Variants in ANO5 observed in about 807,000 individuals in gnomAD.
The protein encoded by ANO5 is anoctamin-5.
Under a neutral mutation model 121.0 loss-of-function variants are expected in ANO5, and 109 were observed. The observed-to-expected ratio is 0.90, with a 90% CI of 0.77 to 1.06. The LOEUF (loss-of-function observed/expected upper bound fraction) is 1.06, where lower values mean the gene tolerates loss of function less well. Among genes scored for constraint, ANO5 ranks in the 50% least tolerant of loss-of-function variants. The probability of loss-of-function intolerance (pLI) is 0.00; values close to 1 mark genes in which losing one functional copy is unlikely to be tolerated. For synonymous variants in ANO5, 406 were observed against 359.9 expected (o/e 1.13, Z -1.45); for missense variants, 1,064 against 1,078.5 (o/e 0.99, Z 0.19).
At position 22,239,602 on chromosome 11, in the gene ANO5, C is replaced by T; in HGVS notation, c.796C>T (p.Pro266Ser). 6.2e-7 allele frequency: 1 copy of T among 1,612,898 alleles called. No homozygotes were observed. The change falls in exon 9 of 22, where the codon CCT (proline) becomes TCT (serine). Residue 266 changes from proline (P) to serine (S), a missense_variant. By Grantham distance (74) the Pro-to-Ser change is moderately conservative. Transcript: ENST00000324559. Reference protein sequence around the residue: ...QYWKPSEPPNPTNERYTLHQN... With the variant: ...QYWKPSEPPNSTNERYTLHQN... ...TTGGAAGCCATCAGAACCTCCCAAT[C>T]CTACCAATGAAAGATACACACTTCA...
chr11:22,254,221 T>C (rs1853917749), intron 12 of ANO5, among the ~76,000 whole-genome samples: 1 of 152,138 alleles, frequency 6.6e-6, no homozygotes, highest in Non-Finnish European at 1.5e-5. Context: ...ATGACTGTAA[T>C]GATAAAAATA....
At chr11:22,216,467 A>G (rs1450332473) in intron 3 of ANO5, among the ~76,000 whole-genome samples, 1 of 151,802 alleles carries the variant, frequency 6.6e-6, no homozygotes, top group Non-Finnish European at 1.5e-5. Context: ...CCATCTTTTC[A>G]TGGGCATATT....
Position 22,193,272 on chromosome 11 carries a change from C to A in ANO5, c.-221C>A. On this transcript the variant is annotated 5_prime_UTR_variant, in exon 1 of 22. Coordinates refer to ENST00000324559, the MANE Select transcript of ANO5 (RefSeq NM_213599.3). ...GACCGGGTCGAGTGGAAGTACCCGC[C>A]GGAGAGGAAGGCCGGCTGGCTGTGG... 8.6e-7 allele frequency: 1 copy of A among 1,159,150 alleles called. No homozygotes were observed. Among genetic ancestry groups the A allele is most frequent in the South Asian group, 2.6e-5 (1 of 38,578 alleles). The allele number at this position is 1,159,150 out of a possible 1,614,324, so 71.8% of individuals were successfully genotyped here.
intron 2 of ANO5, among the ~76,000 whole-genome samples, chr11:22,207,618 G>A (rs1481642981): frequency 6.6e-6 from 1 of 151,800 alleles, no homozygotes; most frequent in African/African-American, 2.4e-5. Context: ...CTTGGTGAAG[G>A]GTTTGTAGTT....
intron 7 of ANO5, among the ~76,000 whole-genome samples, chr11:22,231,157 T>C (rs1853028154): frequency 6.6e-6 from 1 of 151,990 alleles, no homozygotes; most frequent in African/African-American, 2.4e-5. Context: ...TAATTATTTT[T>C]CTGTTTTTTT....
At chr11:22,223,015 T>C (rs4558167) in intron 5 of ANO5, among the ~76,000 whole-genome samples, 105,000 of 151,882 alleles carry the variant, frequency 0.69, 37,845 homozygotes, top group Non-Finnish European at 0.81. Flanking sequence ...ATTTCTACCA[T>C]CACATCTGTC....
intron 1 of ANO5, among the ~76,000 whole-genome samples, chr11:22,203,032 A>G (rs940921888): frequency 3.9e-5 from 6 of 152,134 alleles, no homozygotes; most frequent in Admixed American, 2.0e-4. Context: ...AAGTTTCCAT[A>G]TAATAAAGTG....
chr11:22,279,890 T>TA lies in ANO5; in HGVS notation c.*128dup, dbSNP rs1855020399. ...TTTTTTTTTTTTTTCTTTTTTTTTT[T>TA]AAACTCAAAGTTTTTATACACTTTT... On this transcript the variant is annotated 3_prime_UTR_variant, in exon 22 of 22. Transcript: ENST00000324559. The TA allele has an allele frequency of 8.3e-6, 7 of 846,802 alleles. No individual in the cohort carries two copies. Among genetic ancestry groups the TA allele is most frequent in the South Asian group, 5.0e-5 (3 of 59,978 alleles). 52.5% of individuals were successfully genotyped at this position (846,802 alleles called of 1,614,324 possible).
intron 7 of ANO5, 55 bp downstream of exon 7, chr11:22,227,641 G>T: frequency 6.3e-7 from 1 of 1,589,470 alleles, no homozygotes; most frequent in South Asian, 1.1e-5. Flanking sequence ...GTATGCTTGT[G>T]TGTGCTTTTA....
intron 9 of ANO5, among the ~76,000 whole-genome samples, chr11:22,247,265 C>T (rs1445343177): frequency 1.3e-5 from 2 of 151,868 alleles, no homozygotes; most frequent in Non-Finnish European, 2.9e-5. Context: ...GGAGTGTTGG[C>T]AAAGAAGATT....
In ANO5 at chr11:22,268,126, A is replaced by AT. The variant is rs1309427727; in HGVS notation, c.1899-2180dup. ...CTGGTGGGGCAACATTTATCAACTT[A>AT]TTTTTTATCTGTAGAACTGTCTTGG... On this transcript the variant is annotated intron_variant, in intron 17 of 21. Coordinates refer to ENST00000324559, the MANE Select transcript of ANO5 (RefSeq NM_213599.3). Among the ~76,000 whole-genome samples the AT allele has an allele frequency of 2.0e-5, 3 of 152,084 alleles. No individual in the cohort carries two copies. The East Asian group carries it at 5.8e-4, about 29-fold the overall frequency.
intron 12 of ANO5, among the ~76,000 whole-genome samples, chr11:22,252,703 T>C (rs943775123): frequency 1.3e-5 from 2 of 152,182 alleles, no homozygotes. Context: ...AAAACTTTCC[T>C]TATGGTTTTT....
Position 22,262,181 on chromosome 11 carries a change from C to T in ANO5, c.1683C>T (p.Phe561=). The part of the protein sequence containing the change: ...EYESSLTLKM[F]LFQFVNFYSS... ...AGAGCAGTCTTACCTTGAAAATGTT[C>T]CTGTTTCAGTTTGTAAATTTTTACT... The change falls in exon 16 of 22, where the codon TTC becomes TTT. Residue 561 remains phenylalanine, a synonymous_variant. Coordinates refer to ENST00000324559, the MANE Select transcript of ANO5 (RefSeq NM_213599.3). 1 of 1,613,836 alleles carries T rather than the reference C, an allele frequency of 6.2e-7. No homozygotes were observed.
intron 8 of ANO5, among the ~76,000 whole-genome samples, chr11:22,237,131 T>A (rs1344680715): frequency 6.6e-6 from 1 of 152,226 alleles, no homozygotes; most frequent in Non-Finnish European, 1.5e-5. Flanking sequence ...TGTCTATTTT[T>A]GTTGTTTCTT....
chr11:22,220,943 A>T (rs1344452275), intron 4 of ANO5, among the ~76,000 whole-genome samples, 154 bp from the exon 5 acceptor site: 1 of 151,972 alleles, frequency 6.6e-6, no homozygotes, highest in Non-Finnish European at 1.5e-5. Context: ...AATCTTTTAT[A>T]TGGAATTTCA....
intron 2 of ANO5, among the ~76,000 whole-genome samples, chr11:22,205,741 C>T (rs527546946): frequency 4.6e-5 from 7 of 151,976 alleles, no homozygotes; most frequent in African/African-American, 1.2e-4. Flanking sequence ...AAGGGAGTTG[C>T]GCTGGGACAT....
chr11:22,217,933 TAAAAA>T (rs1170479866), intron 3 of ANO5, among the ~76,000 whole-genome samples: 2 of 151,580 alleles, frequency 1.3e-5, no homozygotes, highest in Non-Finnish European at 2.9e-5. Context: ...CTCCTGAACT[TAAAAA>T]AAAGTAGAAA....
rs1342828203 is a variant in ANO5, at chr11:22,283,057, A to G, written c.*3292A>G. ...ATTCCAGTATTCTATTTATTTCAGC[A>G]TTATGTGAAAAATGATAAGAATGTT... On this transcript the variant is annotated 3_prime_UTR_variant, in exon 22 of 22. Coordinates refer to ENST00000324559, the MANE Select transcript of ANO5 (RefSeq NM_213599.3). 6.6e-6 allele frequency: 1 copy of G among 152,180 alleles called. No individual in the cohort carries two copies. Among genetic ancestry groups the G allele is most frequent in the African/African-American group, 2.4e-5 (1 of 41,442 alleles). The allele number at this position is 152,180 out of a possible 1,614,324, so 9.4% of individuals were successfully genotyped here.
At chr11:22,234,769 A>T (rs958707866) in intron 7 of ANO5, among the ~76,000 whole-genome samples, 41 of 152,072 alleles carry the variant, frequency 2.7e-4, no homozygotes, top group African/African-American at 9.9e-4. Context: ...TCTGGTAACA[A>T]AGGCCAGACA....
Sources: allele counts gnomAD v4.1 joint callset (sites outside exome capture counted in the v4.1 genomes callset), GRCh38; gene constraint gnomAD v4.1.1; transcripts MANE v1.5; gene names NCBI Gene and HGNC (gene_info 2026-07-23, HGNC 2026-07-21).